MEIKIN: variants seen among roughly 807,000 people sequenced by gnomAD.
The protein encoded by MEIKIN is meiosis-specific kinetochore protein.
At chr5:131,887,586 A>ATTT (rs1244971468) in intron 8 of MEIKIN, among the ~76,000 whole-genome samples, 39 of 152,122 alleles carry the variant, frequency 2.6e-4, no homozygotes, top group African/African-American at 9.4e-4. Flanking sequence ...TCTGATGACC[A>ATTT]GCGATGATGA....
At chr5:131,860,637 C>T (rs979211005) in intron 9 of MEIKIN, among the ~76,000 whole-genome samples, 6 of 149,804 alleles carry the variant, frequency 4.0e-5, no homozygotes, top group Middle Eastern at 3.4e-3. Flanking sequence ...TTAGTAGAGA[C>T]GGGGTTTCAC....
intron 9 of MEIKIN, among the ~76,000 whole-genome samples, chr5:131,868,840 G>A (rs1750435309): frequency 6.6e-6 from 1 of 151,946 alleles, no homozygotes; most frequent in South Asian, 2.1e-4. Context: ...GGCCCTTATT[G>A]TTGAATTTTA....
intron 11 of MEIKIN, among the ~76,000 whole-genome samples, chr5:131,829,804 A>G (rs1038047565): frequency 3.9e-5 from 6 of 152,156 alleles, no homozygotes; most frequent in Non-Finnish European, 8.8e-5. Flanking sequence ...ATGCTGCCAC[A>G]AGACAAGAAA....
At chr5:131,862,956 C>G (rs1445621519) in intron 9 of MEIKIN, among the ~76,000 whole-genome samples, 4 of 152,160 alleles carry the variant, frequency 2.6e-5, no homozygotes, top group African/African-American at 4.8e-5. Flanking sequence ...ACTGCAGCCT[C>G]CCCAAGTGCT....
intron 9 of MEIKIN, among the ~76,000 whole-genome samples, chr5:131,872,475 C>CTT (rs2149625420): frequency 1.3e-5 from 2 of 152,310 alleles, no homozygotes; most frequent in South Asian, 4.1e-4. Context: ...ATGAACAAGG[C>CTT]TTCCAAGAAA....
chr5:131,809,020 A>C (rs1359185432), intron 12 of MEIKIN, among the ~76,000 whole-genome samples: 2 of 152,082 alleles, frequency 1.3e-5, no homozygotes, highest in Non-Finnish European at 2.9e-5. Context: ...CTGTGATCAC[A>C]CCACTGCACT....
chr5:131,871,472 T>A (rs973939882), intron 9 of MEIKIN, among the ~76,000 whole-genome samples: 1 of 151,948 alleles, frequency 6.6e-6, no homozygotes, highest in Non-Finnish European at 1.5e-5. Flanking sequence ...CATTCCCGAG[T>A]CTTGATTAGG....
intron 8 of MEIKIN, among the ~76,000 whole-genome samples, chr5:131,910,113 G>C (rs571142287): frequency 1.2e-3 from 181 of 152,272 alleles, no homozygotes; most frequent in African/African-American, 4.3e-3. Context: ...AGAGGTATCT[G>C]CACTCCCGCA....
chr5:131,945,362 T>C lies in MEIKIN; in HGVS notation c.106+38A>G, dbSNP rs560254376. 5 of 398,976 alleles carry C rather than the reference T, an allele frequency of 1.3e-5. No homozygotes were observed. In the South Asian group the frequency reaches 6.4e-4, roughly 51 times the overall value. 24.7% of individuals were successfully genotyped at this position (398,976 alleles called of 1,614,324 possible). On this transcript the variant is annotated intron_variant, in intron 1 of 12. Coordinates refer to ENST00000442687, the MANE Select transcript of MEIKIN (RefSeq NM_001303622.2). ...CCCTCGGTCCCGTCCCGGAGGCAGCTCGGCTGAGCTTACGGTGGGCGAGCC... is the reference window on the plus strand; with the variant it reads ...CCCTCGGTCCCGTCCCGGAGGCAGCCCGGCTGAGCTTACGGTGGGCGAGCC...
chr5:131,858,005 C>T (rs1360408040), intron 9 of MEIKIN, among the ~76,000 whole-genome samples: 1 of 152,234 alleles, frequency 6.6e-6, no homozygotes, highest in African/African-American at 2.4e-5. Flanking sequence ...ATAGATCCTG[C>T]TATGCTATGC....
intron 7 of MEIKIN, among the ~76,000 whole-genome samples, chr5:131,914,184 G>A (rs1161680103): frequency 2.6e-5 from 4 of 152,044 alleles, no homozygotes; most frequent in African/African-American, 9.7e-5. Context: ...CTCACTAACT[G>A]CAGCCTTGGC....
intron 8 of MEIKIN, among the ~76,000 whole-genome samples, chr5:131,884,645 A>T (rs1341468007): frequency 1.3e-5 from 2 of 152,058 alleles, no homozygotes; most frequent in Non-Finnish European, 2.9e-5. Context: ...GCCTGAGAAA[A>T]GTGAGGGAAA....
intron 9 of MEIKIN, among the ~76,000 whole-genome samples, chr5:131,860,445 TTTTG>T (rs1230090549): frequency 3.3e-5 from 5 of 152,074 alleles, no homozygotes; most frequent in South Asian, 2.1e-4. Context: ...CAGTTGTTTT[TTTTG>T]TTTGTTTGTT....
At chr5:131,896,344 A>G (rs534073860) in intron 8 of MEIKIN, among the ~76,000 whole-genome samples, 11 of 152,318 alleles carry the variant, frequency 7.2e-5, no homozygotes, top group African/African-American at 2.2e-4. Flanking sequence ...TGCGGTGCTG[A>G]GAAGAATGTA....
chr5:131,927,956 T>C lies in MEIKIN; in HGVS notation c.478+5557A>G, dbSNP rs565164653. Reference sequence around the variant, plus strand: ...GTCAGGAGATCGAGACCATCCTGGCTAACACGGTGAAACCCCGTCTCTACT... The same window carrying C: ...GTCAGGAGATCGAGACCATCCTGGCCAACACGGTGAAACCCCGTCTCTACT... On this transcript the variant is annotated intron_variant, in intron 5 of 12. Transcript: ENST00000442687. Among the ~76,000 whole-genome samples the C allele has an allele frequency of 1.6e-3, 241 of 151,872 alleles. 1 individual carries two copies. Among genetic ancestry groups the C allele is most frequent in the African/African-American group, 5.6e-3 (232 of 41,374 alleles).
intron 9 of MEIKIN, among the ~76,000 whole-genome samples, chr5:131,869,854 T>A (rs1750454618): frequency 6.6e-6 from 1 of 152,240 alleles, no homozygotes; most frequent in Non-Finnish European, 1.5e-5. Context: ...GTTTCTGTTT[T>A]GGTAAGTTGT....
intron 6 of MEIKIN, among the ~76,000 whole-genome samples, chr5:131,917,311 A>G (rs1751428898): frequency 6.6e-6 from 1 of 152,154 alleles, no homozygotes; most frequent in Non-Finnish European, 1.5e-5. Context: ...CACGCCTGTA[A>G]TCCCAACACT....
intron 5 of MEIKIN, among the ~76,000 whole-genome samples, chr5:131,927,921 G>A (rs1022971766): frequency 1.2e-4 from 18 of 151,980 alleles, no homozygotes; most frequent in Non-Finnish European, 1.8e-4. Flanking sequence ...CGAGACGGGC[G>A]GATCACGAGG....
At position 131,863,557 on chromosome 5, in the gene MEIKIN, C is replaced by CTTTTTTTTTTTTTTTT. The variant is rs59435888; in HGVS notation, c.775-8739_775-8724dup. ...TCATTATATAATGACCTTCTTTGTC[C>CTTTTTTTTTTTTTTTT]TTTTTTTTTTTTTTTTTTTTTTTTT... On this transcript the variant is annotated intron_variant, in intron 9 of 12. Transcript: ENST00000442687. Among the ~76,000 whole-genome samples, 50 of 68,426 alleles carry CTTTTTTTTTTTTTTTT rather than the reference C, an allele frequency of 7.3e-4. 1 individual carries two copies. Among genetic ancestry groups the CTTTTTTTTTTTTTTTT allele is most frequent in the African/African-American group, 2.3e-3 (29 of 12,852 alleles). 44.9% of individuals were successfully genotyped at this position (68,426 alleles called of 152,430 possible).
Sources: gnomAD v4.1 joint callset for allele counts (sites outside exome capture counted in the v4.1 genomes callset) on GRCh38, gnomAD v4.1.1 for gene constraint, MANE v1.5 for transcripts, NCBI Gene and HGNC (gene_info 2026-07-23, HGNC 2026-07-21) for gene names.